The following CTNNA2 variants were observed in gnomAD, a reference collection of about 807,000 sequenced individuals.
The protein encoded by CTNNA2 is catenin alpha-2.
Under a neutral mutation model 101.0 loss-of-function variants are expected in CTNNA2, and 42 were observed. The observed-to-expected ratio is 0.42, with a 90% CI of 0.32 to 0.54. The LOEUF is 0.54. Among genes scored for constraint, CTNNA2 ranks in the 20% least tolerant of loss-of-function variants. CTNNA2 has a pLI of 0.14. For synonymous variants in CTNNA2, 450 were observed against 456.4 expected, an observed-to-expected ratio of 0.99 and a Z score of 0.18; for missense variants, 871 against 1,223.1, an observed-to-expected ratio of 0.71 and a Z score of 4.29.
chr2:79,478,506 A>G (rs768401612), intron 4 of CTNNA2, among the ~76,000 whole-genome samples: 5 of 152,138 alleles, frequency 3.3e-5, no homozygotes, highest in Non-Finnish European at 5.9e-5. Context: ...TCAACACCCA[A>G]TTAAGCTATG....
At chr2:80,211,504 T>A (rs1181803667) in intron 7 of CTNNA2, among the ~76,000 whole-genome samples, 1 of 152,188 alleles carries the variant, frequency 6.6e-6, no homozygotes, top group African/African-American at 2.4e-5. Flanking sequence ...TTTTGTCAGG[T>A]TTGTCAAAGA....
intron 2 of CTNNA2, among the ~76,000 whole-genome samples, chr2:79,277,645 A>T (rs934496521): frequency 7.9e-5 from 12 of 152,124 alleles, no homozygotes; most frequent in African/African-American, 2.9e-4. Flanking sequence ...ACATTAAAAA[A>T]TTGAGTTTCA....
At chr2:79,684,791 C>T (rs942336737) in intron 2 of CTNNA2, among the ~76,000 whole-genome samples, 5 of 152,092 alleles carry the variant, frequency 3.3e-5, no homozygotes, top group Admixed American at 3.3e-4. Context: ...ATTTCCTTTT[C>T]TTTATTTATG....
intron 7 of CTNNA2, among the ~76,000 whole-genome samples, chr2:80,013,112 G>A (rs1445975509): frequency 6.6e-6 from 1 of 152,142 alleles, no homozygotes; most frequent in Admixed American, 6.5e-5. Flanking sequence ...GCTGCAGTGA[G>A]CTATGATCAT....
At chr2:79,285,291 G>T (rs1675536657) in intron 2 of CTNNA2, among the ~76,000 whole-genome samples, 1 of 150,172 alleles carries the variant, frequency 6.7e-6, no homozygotes, top group Non-Finnish European at 1.5e-5. Flanking sequence ...CTTGTCTTCT[G>T]CTAGCTTTTG....
At chr2:80,139,660 G>A (rs1174582256) in intron 7 of CTNNA2, among the ~76,000 whole-genome samples, 1 of 152,056 alleles carries the variant, frequency 6.6e-6, no homozygotes, top group African/African-American at 2.4e-5. Context: ...CAAAAATTTA[G>A]CATCATTTCC....
intron 9 of CTNNA2, among the ~76,000 whole-genome samples, chr2:80,446,384 T>C (rs748239711): frequency 6.6e-6 from 1 of 152,210 alleles, no homozygotes; most frequent in Non-Finnish European, 1.5e-5. Flanking sequence ...AGAAAATAGA[T>C]TGTGTTATGT....
intron 1 of CTNNA2, among the ~76,000 whole-genome samples, chr2:79,650,906 A>G (rs941808809): frequency 1.3e-5 from 2 of 150,222 alleles, no homozygotes; most frequent in African/African-American, 4.9e-5. Context: ...TTGTTCTTGC[A>G]ATAGTTTACT....
intron 1 of CTNNA2, among the ~76,000 whole-genome samples, chr2:79,572,695 T>C (rs1387738551): frequency 2.0e-5 from 3 of 152,192 alleles, no homozygotes; most frequent in Non-Finnish European, 4.4e-5. Flanking sequence ...GAGGTTGCAG[T>C]GAACCAAGAT....
intron 1 of CTNNA2, among the ~76,000 whole-genome samples, chr2:79,626,493 A>G (rs1001157089): frequency 1.3e-5 from 2 of 152,108 alleles, no homozygotes; most frequent in African/African-American, 2.4e-5. Flanking sequence ...AACTTCTTGA[A>G]CTTGCTCTGT....
At chr2:80,529,528 T>G (rs1454714932) in intron 9 of CTNNA2, among the ~76,000 whole-genome samples, 1 of 152,188 alleles carries the variant, frequency 6.6e-6, no homozygotes, top group Non-Finnish European at 1.5e-5. Flanking sequence ...CCAAATAGTT[T>G]TATAGCCCTC....
At chr2:80,396,898 G>T (rs77439619) in intron 8 of CTNNA2, among the ~76,000 whole-genome samples, 81 of 152,236 alleles carry the variant, frequency 5.3e-4, no homozygotes, top group African/African-American at 1.8e-3. Context: ...CCTGACAAAG[G>T]TCTCAATTCT....
chr2:79,904,553 T>C (rs1421701046), intron 6 of CTNNA2, among the ~76,000 whole-genome samples: 2 of 152,226 alleles, frequency 1.3e-5, no homozygotes, highest in Admixed American at 6.5e-5. Flanking sequence ...GAAGGAACAC[T>C]GGGCTTGAAA....
intron 18 of CTNNA2, among the ~76,000 whole-genome samples, chr2:80,644,810 A>G (rs1673889892): frequency 6.6e-6 from 1 of 152,184 alleles, no homozygotes; most frequent in African/African-American, 2.4e-5. Context: ...TGGCTTGAAT[A>G]AAATTCTTGG....
chr2:79,955,587 C>G (rs1215260919), intron 7 of CTNNA2, among the ~76,000 whole-genome samples: 1 of 152,208 alleles, frequency 6.6e-6, no homozygotes, highest in African/African-American at 2.4e-5. Context: ...GAGTCTCGCT[C>G]TGTCACTCAG....
At chr2:80,441,716 A>G (rs1559113357) in intron 9 of CTNNA2, among the ~76,000 whole-genome samples, 1 of 152,182 alleles carries the variant, frequency 6.6e-6, no homozygotes, top group Non-Finnish European at 1.5e-5. Flanking sequence ...CAATGTGTTT[A>G]GTAAAGAAAT....
In CTNNA2 at chr2:79,622,166, G is replaced by A. The variant is rs367857767; in HGVS notation, c.-5-29386G>A. 3.9e-5 allele frequency among the ~76,000 whole-genome samples: 6 copies of A among 152,240 alleles called. No individual in the cohort carries two copies. The South Asian group carries it at 8.3e-4, about 21-fold the overall frequency. On this transcript the variant is annotated intron_variant, in intron 1 of 18. Transcript: ENST00000402739. ...TGGCAAAGTCTTTTTCAATCATTCC[G>A]ATCTTCACCAAAGTTCAATTTGAAT...
At chr2:79,569,517 C>A (rs1373367846) in intron 1 of CTNNA2, among the ~76,000 whole-genome samples, 1 of 152,090 alleles carries the variant, frequency 6.6e-6, no homozygotes, top group Non-Finnish European at 1.5e-5. Flanking sequence ...GATTCAGGTA[C>A]CTTTCTTGTA....
intron 3 of CTNNA2, among the ~76,000 whole-genome samples, chr2:79,778,549 C>A (rs1361665194): frequency 6.6e-6 from 1 of 151,964 alleles, no homozygotes; most frequent in African/African-American, 2.4e-5. Context: ...TATATGCAGT[C>A]ATATATATAC....
Sources: gnomAD v4.1 joint callset for allele counts (sites outside exome capture counted in the v4.1 genomes callset) on GRCh38, gnomAD v4.1.1 for gene constraint, MANE v1.5 for transcripts, NCBI Gene and HGNC (gene_info 2026-07-23, HGNC 2026-07-21) for gene names.